SRGAP1: variants seen among roughly 807,000 people sequenced by gnomAD.
SRGAP1 encodes the protein SLIT-ROBO Rho GTPase-activating protein 1.
A neutral mutation model predicts 121.9 loss-of-function variants in SRGAP1; 43 were observed. The ratio of observed to expected loss-of-function variants is 0.35; its 90% CI spans 0.28 to 0.46. The LOEUF (loss-of-function observed/expected upper bound fraction) is 0.46. Ranked by LOEUF, SRGAP1 falls within the 20% of genes least tolerant of loss-of-function variation. The probability of loss-of-function intolerance (pLI) is 1.00; values close to 1 mark genes in which losing one functional copy is unlikely to be tolerated. For synonymous variants in SRGAP1, 447 were observed against 485.4 expected (o/e 0.92, Z 1.04); for missense variants, 1,102 against 1,350.9 (o/e 0.82, Z 2.89).
chr12:63,933,946 T>G (rs1256837627), intron 1 of SRGAP1, among the ~76,000 whole-genome samples: 1 of 152,142 alleles, frequency 6.6e-6, no homozygotes, highest in Non-Finnish European at 1.5e-5. Flanking sequence ...CCACTTACTA[T>G]AAATATAAGT....
chr12:63,992,793 C>T (rs993530154), intron 3 of SRGAP1, among the ~76,000 whole-genome samples: 1 of 151,930 alleles, frequency 6.6e-6, no homozygotes, highest in African/African-American at 2.4e-5. Flanking sequence ...TCTTCTTATC[C>T]AGATTTTCTG....
intron 1 of SRGAP1, among the ~76,000 whole-genome samples, chr12:63,954,677 CAAA>C (rs60508657): frequency 5.7e-5 from 6 of 104,604 alleles, no homozygotes; most frequent in African/African-American, 1.4e-4. Flanking sequence ...GACTCCATCT[CAAA>C]AAAAAAAAAA....
At chr12:63,932,777 G>A (rs2031525518) in intron 1 of SRGAP1, among the ~76,000 whole-genome samples, 1 of 152,208 alleles carries the variant, frequency 6.6e-6, no homozygotes, top group African/African-American at 2.4e-5. Flanking sequence ...AGAGAAAGGA[G>A]ACTGCGTTCT....
chr12:63,953,873 G>A (rs2032374918), intron 1 of SRGAP1, among the ~76,000 whole-genome samples: 1 of 152,208 alleles, frequency 6.6e-6, no homozygotes, highest in African/African-American at 2.4e-5. Context: ...AAATACATTT[G>A]GAGAGCTTAT....
chr12:63,960,261 A>G (rs2032597295), intron 1 of SRGAP1, among the ~76,000 whole-genome samples: 2 of 152,300 alleles, frequency 1.3e-5, no homozygotes, highest in East Asian at 3.9e-4. Flanking sequence ...TGTCATTTCC[A>G]CCAACATCCT....
intron 4 of SRGAP1, among the ~76,000 whole-genome samples, chr12:64,025,880 T>A (rs1459446794): frequency 6.6e-6 from 1 of 152,190 alleles, no homozygotes; most frequent in African/African-American, 2.4e-5. Context: ...TCTGCCAGAA[T>A]GATCGGGATT....
chr12:64,002,669 A>C (rs2033937605), intron 3 of SRGAP1, among the ~76,000 whole-genome samples: 1 of 152,184 alleles, frequency 6.6e-6, no homozygotes, highest in Admixed American at 6.5e-5. Flanking sequence ...GCATTGTGTG[A>C]GTTCTAGAGA....
intron 18 of SRGAP1, among the ~76,000 whole-genome samples, chr12:64,120,747 A>G (rs2036593479): frequency 6.6e-6 from 1 of 152,188 alleles, no homozygotes; most frequent in Admixed American, 6.5e-5. Flanking sequence ...AAAAAAATTA[A>G]AAAGCTTAAG....
chr12:63,919,648 C>T (rs2030962131), intron 1 of SRGAP1, among the ~76,000 whole-genome samples: 1 of 152,032 alleles, frequency 6.6e-6, no homozygotes, highest in Admixed American at 6.5e-5. Flanking sequence ...TGCTCTGCCC[C>T]ATCCCATATA....
chr12:63,890,237 T>C (rs1252409105), intron 1 of SRGAP1, among the ~76,000 whole-genome samples: 6 of 152,186 alleles, frequency 3.9e-5, no homozygotes, highest in African/African-American at 1.4e-4. Context: ...TGAAACCGTT[T>C]GTTTTTGAAG....
chr12:63,919,416 T>C (rs947906287), intron 1 of SRGAP1, among the ~76,000 whole-genome samples: 61 of 150,436 alleles, frequency 4.1e-4, no homozygotes, highest in African/African-American at 1.4e-3. Flanking sequence ...ATGATCCACC[T>C]GCCTTGGCCT....
chr12:64,108,083 C>T (rs566903042), intron 15 of SRGAP1, among the ~76,000 whole-genome samples: 2 of 152,294 alleles, frequency 1.3e-5, no homozygotes, highest in South Asian at 4.1e-4. Context: ...GCCCTGCCTA[C>T]TGCAAAGTTT....
chr12:64,030,074 A>G (rs1254966960), intron 4 of SRGAP1, among the ~76,000 whole-genome samples: 1 of 152,192 alleles, frequency 6.6e-6, no homozygotes, highest in Non-Finnish European at 1.5e-5. Context: ...CATTTATTTC[A>G]TGTCGAAATC....
chr12:63,953,189 A>G (rs771997679), intron 1 of SRGAP1, among the ~76,000 whole-genome samples: 2 of 152,154 alleles, frequency 1.3e-5, no homozygotes, highest in Non-Finnish European at 2.9e-5. Context: ...GGCTGCTGAT[A>G]GTGTGATAAG....
chr12:63,930,078 G>A (rs1234891473), intron 1 of SRGAP1, among the ~76,000 whole-genome samples: 10 of 152,050 alleles, frequency 6.6e-5, no homozygotes, highest in East Asian at 5.8e-4. Flanking sequence ...AAATAGGAAC[G>A]CCTTTACACT....
chr12:63,884,902 A>G (rs1405925614), intron 1 of SRGAP1, among the ~76,000 whole-genome samples: 1 of 151,770 alleles, frequency 6.6e-6, no homozygotes, highest in Non-Finnish European at 1.5e-5. Context: ...CTGTATTTTT[A>G]GTAGAGACGG....
chr12:63,970,030 C>T (rs1345597498), intron 1 of SRGAP1, among the ~76,000 whole-genome samples: 2 of 152,138 alleles, frequency 1.3e-5, no homozygotes, highest in East Asian at 3.9e-4. Context: ...AGCTATGCTT[C>T]CCTTTATCCT....
intron 1 of SRGAP1, among the ~76,000 whole-genome samples, chr12:63,850,670 GC>G (rs898020632): frequency 1.4e-5 from 2 of 146,290 alleles, no homozygotes; most frequent in African/African-American, 5.1e-5. Flanking sequence ...CTGAGCTCCT[GC>G]CTCAGCCTCC....
intron 1 of SRGAP1, chr12:63,871,599 C>T (rs1899856666): frequency 7.9e-6 from 4 of 508,564 alleles, no homozygotes; most frequent in Middle Eastern, 5.5e-4. Context: ...GGTTATGGCT[C>T]ATGCAAGTTA....
Sources: allele counts gnomAD v4.1 joint callset (sites outside exome capture counted in the v4.1 genomes callset), GRCh38; gene constraint gnomAD v4.1.1; transcripts MANE v1.5; gene names NCBI Gene and HGNC (gene_info 2026-07-23, HGNC 2026-07-21).